CNTN6: variants seen among roughly 807,000 people sequenced by gnomAD.
CNTN6 encodes contactin 6.
CNTN6 carries 137 observed loss-of-function variants against 122.8 expected under a neutral mutation model. The observed-to-expected ratio is 1.12, with a 90% CI of 0.97 to 1.29. CNTN6 has a LOEUF of 1.29. CNTN6 is among the 50% of genes most tolerant of loss of function. CNTN6 has a pLI of 0.00. For missense variants in CNTN6, 1,634 were observed against 1,223.4 expected, an observed-to-expected ratio of 1.34 and a Z score of -5.01; for synonymous variants, 570 against 426.0, an observed-to-expected ratio of 1.34 and a Z score of -4.16.
chr3:1,285,415 G>T (rs1303821795), intron 5 of CNTN6, among the ~76,000 whole-genome samples: 1 of 152,036 alleles, frequency 6.6e-6, no homozygotes, highest in Non-Finnish European at 1.5e-5. Flanking sequence ...TAGATACAAG[G>T]GTGAAAGTTT....
intron 7 of CNTN6, among the ~76,000 whole-genome samples, chr3:1,316,945 C>T (rs987941338): frequency 2.6e-5 from 4 of 151,816 alleles, no homozygotes; most frequent in African/African-American, 7.3e-5. Flanking sequence ...GGGAATTGCT[C>T]ATTAAAATGC....
intron 20 of CNTN6, among the ~76,000 whole-genome samples, chr3:1,391,873 G>T (rs1694205670): frequency 6.6e-6 from 1 of 152,104 alleles, no homozygotes; most frequent in African/African-American, 2.4e-5. Context: ...TCTTCAAGGA[G>T]AACTGCAAAC....
intron 4 of CNTN6, among the ~76,000 whole-genome samples, chr3:1,244,987 C>A (rs113071690): frequency 0.11 from 15,905 of 149,224 alleles, 1,105 homozygotes; most frequent in East Asian, 0.31. Flanking sequence ...TCAGTTAAGG[C>A]TGTTTTTACT....
At chr3:1,178,774 G>C (rs759971988) in intron 2 of CNTN6, among the ~76,000 whole-genome samples, 1 of 152,106 alleles carries the variant, frequency 6.6e-6, no homozygotes, top group African/African-American at 2.4e-5. Flanking sequence ...TGCTGGGTTT[G>C]GGTTTGTTAT....
chr3:1,116,626 A>C (rs1373484624), intron 1 of CNTN6, among the ~76,000 whole-genome samples: 3 of 152,030 alleles, frequency 2.0e-5, no homozygotes, highest in Non-Finnish European at 2.9e-5. Flanking sequence ...TGAGTGGAGA[A>C]TAGAGATACA....
At chr3:1,145,893 T>G (rs2092713844) in intron 1 of CNTN6, among the ~76,000 whole-genome samples, 1 of 152,174 alleles carries the variant, frequency 6.6e-6, no homozygotes, top group Non-Finnish European at 1.5e-5. Flanking sequence ...AAGTCTCCAT[T>G]GCATAAACTG....
Position 1,382,971 on chromosome 3 carries a change from G to T in CNTN6, c.2196G>T (p.Glu732Asp). ...TTCCAGAAGAACTGCAGAATGGGGA[G>T]GGATTTGGATATATCATCATGTTCC... ...ESIPEELQNG[E>D]GFGYIIMFRP... The change falls in exon 18 of 23, where the codon GAG (glutamate) becomes GAT (aspartate). Residue 732 changes from glutamate (E) to aspartate (D), a missense_variant. Physicochemically the swap from Glu to Asp is conservative, Grantham distance 45. Transcript: ENST00000446702. 1 of 1,613,974 alleles carries T rather than the reference G, an allele frequency of 6.2e-7. No homozygotes were observed. Among genetic ancestry groups the T allele is most frequent in the Non-Finnish European group, 8.5e-7 (1 of 1,179,890 alleles).
chr3:1,263,692 GT>G (rs2094883501), intron 4 of CNTN6, among the ~76,000 whole-genome samples: 1 of 151,986 alleles, frequency 6.6e-6, no homozygotes, highest in African/African-American at 2.4e-5. Flanking sequence ...TATTAAACAT[GT>G]TCTTGTTGAA....
intron 20 of CNTN6, among the ~76,000 whole-genome samples, chr3:1,395,956 G>A (rs1328243530): frequency 6.6e-6 from 1 of 152,096 alleles, no homozygotes; most frequent in African/African-American, 2.4e-5. Context: ...CACTACCACT[G>A]TGCTCCTTTA....
chr3:1,323,739 A>G (rs1701170407), intron 8 of CNTN6, among the ~76,000 whole-genome samples: 1 of 151,806 alleles, frequency 6.6e-6, no homozygotes, highest in African/African-American at 2.4e-5. Context: ...TTTCATAACC[A>G]GTCAATATGG....
chr3:1,325,893 G>C lies in CNTN6; in HGVS notation c.1025G>C (p.Ser342Thr), dbSNP rs777895141. 1 of 1,611,856 alleles carries C rather than the reference G, an allele frequency of 6.2e-7. No homozygotes were observed. The highest frequency in any genetic ancestry group is 8.5e-7 in the Non-Finnish European group (1 of 1,178,652). Reference protein sequence around the residue: ...YDNLLWECKASGKPNPWYTWL... With the variant: ...YDNLLWECKATGKPNPWYTWL... The stretch of plus-strand genomic sequence containing the variant: ...AACTTGCTCTGGGAATGTAAAGCTA[G>C]TGGAAAGCCAAACCCTTGGTATACA... Residue 342 changes from serine (S) to threonine (T), a missense_variant, in exon 9 of 23, where the codon AGT becomes ACT. By Grantham distance (58) the Ser-to-Thr change is moderately conservative. Transcript: ENST00000446702.
At chr3:1,210,737 G>A (rs2094024767) in intron 2 of CNTN6, among the ~76,000 whole-genome samples, 2 of 152,176 alleles carry the variant, frequency 1.3e-5, no homozygotes, top group Admixed American at 1.3e-4. Flanking sequence ...TTTTAGTCAG[G>A]TTCAACTACA....
intron 2 of CNTN6, among the ~76,000 whole-genome samples, chr3:1,182,654 G>A (rs932891511): frequency 6.6e-6 from 1 of 150,764 alleles, no homozygotes; most frequent in Non-Finnish European, 1.5e-5. Context: ...TACAAAGTAC[G>A]CCTATAGTTA....
intron 1 of CNTN6, among the ~76,000 whole-genome samples, chr3:1,139,293 T>C (rs1308352034): frequency 6.6e-6 from 1 of 152,146 alleles, no homozygotes; most frequent in South Asian, 2.1e-4. Context: ...CATTCTGTTA[T>C]TGAATTCATT....
chr3:1,319,074 A>G (rs1276894711), intron 7 of CNTN6, among the ~76,000 whole-genome samples: 1 of 151,714 alleles, frequency 6.6e-6, no homozygotes, highest in Non-Finnish European at 1.5e-5. Flanking sequence ...TTTTCTTTGG[A>G]CAAGGTGGAA....
At chr3:1,139,580 G>A (rs1465537248) in intron 1 of CNTN6, among the ~76,000 whole-genome samples, 1 of 151,682 alleles carries the variant, frequency 6.6e-6, no homozygotes, top group Non-Finnish European at 1.5e-5. Context: ...TAAAAATATT[G>A]TTTTAAAAAA....
chr3:1,130,539 T>G (rs1441687616), intron 1 of CNTN6, among the ~76,000 whole-genome samples: 2 of 152,110 alleles, frequency 1.3e-5, no homozygotes, highest in Non-Finnish European at 2.9e-5. Context: ...CTGCACCACC[T>G]TCCAGTGGTC....
At chr3:1,340,854 G>C (rs142159972) in intron 11 of CNTN6, among the ~76,000 whole-genome samples, 12 of 152,212 alleles carry the variant, frequency 7.9e-5, no homozygotes, top group Admixed American at 2.0e-4. Flanking sequence ...GGAGTGAAAG[G>C]GTTAATAATC....
chr3:1,202,585 AATAC>A (rs1320765561), intron 2 of CNTN6, among the ~76,000 whole-genome samples: 3 of 148,962 alleles, frequency 2.0e-5, no homozygotes, highest in Non-Finnish European at 4.5e-5. Context: ...TAAATAAATA[AATAC>A]AAATAAAATA....
Sources: gnomAD v4.1 joint callset for allele counts (sites outside exome capture counted in the v4.1 genomes callset) on GRCh38, gnomAD v4.1.1 for gene constraint, MANE v1.5 for transcripts, NCBI Gene and HGNC (gene_info 2026-07-23, HGNC 2026-07-21) for gene names.